Variants in NRXN1 observed in about 807,000 individuals in gnomAD.
The protein encoded by NRXN1 is neurexin 1, also known as neurexin-1.
NRXN1 carries 39 observed loss-of-function variants against 150.9 expected under a neutral mutation model. The observed-to-expected ratio is 0.26, with a 90% CI of 0.20 to 0.34. The LOEUF (loss-of-function observed/expected upper bound fraction) is 0.34. Among genes scored for constraint, NRXN1 ranks in the 10% least tolerant of loss-of-function variants. The probability of loss-of-function intolerance (pLI) is 1.00; values close to 1 mark genes in which losing one functional copy is unlikely to be tolerated. For missense variants in NRXN1, 1,815 were observed against 1,949.9 expected (o/e 0.93, Z 1.30); for synonymous variants, 924 against 757.0 (o/e 1.22, Z -3.62).
intron 17 of NRXN1, among the ~76,000 whole-genome samples, chr2:50,268,005 C>G (rs1182651358): frequency 1.3e-5 from 2 of 152,050 alleles, no homozygotes; most frequent in East Asian, 3.9e-4. Flanking sequence ...GCCTGGGTAA[C>G]ATGGCGAAAC....
In NRXN1 at chr2:50,091,668, T is replaced by C. The variant is rs543562153; in HGVS notation, c.3547-174A>G. Among the ~76,000 whole-genome samples the C allele has an allele frequency of 7.3e-4, 111 of 152,334 alleles. 2 individuals are homozygous for C. The South Asian group carries it at 0.023, about 31-fold the overall frequency. The stretch of plus-strand genomic sequence containing the variant: ...GCAAGATTCTTGACATCTGGGTAAA[T>C]TTAAGACATCTCTTTCATGGATAAT... On this transcript the variant is annotated intron_variant, in intron 18 of 22. Coordinates refer to ENST00000401669, the MANE Select transcript of NRXN1 (RefSeq NM_001330078.2).
chr2:50,180,110 C>G, intron 18 of NRXN1, among the ~76,000 whole-genome samples: 1 of 152,188 alleles, frequency 6.6e-6, no homozygotes, highest in Middle Eastern at 3.4e-3. Context: ...TAGCCTTGAA[C>G]TCCTGGGCTC....
chr2:50,198,850 G>T (rs1363827883), intron 18 of NRXN1, among the ~76,000 whole-genome samples: 1 of 152,042 alleles, frequency 6.6e-6, no homozygotes, highest in African/African-American at 2.4e-5. Flanking sequence ...AGTGACTGTT[G>T]TCAGTATTTA....
chr2:50,591,603 T>G (rs545365320), intron 8 of NRXN1, among the ~76,000 whole-genome samples: 16 of 152,334 alleles, frequency 1.1e-4, no homozygotes, highest in African/African-American at 3.8e-4. Flanking sequence ...TCTTTGAAGT[T>G]TCCTCACATC....
At chr2:50,186,411 T>G (rs971384367) in intron 18 of NRXN1, among the ~76,000 whole-genome samples, 2 of 152,226 alleles carry the variant, frequency 1.3e-5, no homozygotes, top group African/African-American at 4.8e-5. Flanking sequence ...AATGTTATGT[T>G]CAGAATCTCA....
intron 5 of NRXN1, among the ~76,000 whole-genome samples, chr2:50,677,904 C>G (rs1023784777): frequency 1.3e-5 from 2 of 151,850 alleles, no homozygotes; most frequent in African/African-American, 4.8e-5. Context: ...TACTTTTAAA[C>G]GACATCTCAG....
At chr2:50,600,605 A>G in intron 8 of NRXN1, among the ~76,000 whole-genome samples, 1 of 152,150 alleles carries the variant, frequency 6.6e-6, no homozygotes, top group South Asian at 2.1e-4. Context: ...GATTACAGGC[A>G]TAAGCCATCA....
intron 17 of NRXN1, among the ~76,000 whole-genome samples, chr2:50,376,582 A>C (rs1383184889): frequency 6.6e-6 from 1 of 152,166 alleles, no homozygotes; most frequent in Non-Finnish European, 1.5e-5. Context: ...GAAAGGTATG[A>C]GCAAATATAT....
chr2:50,678,697 C>T (rs1689903339), intron 5 of NRXN1, among the ~76,000 whole-genome samples: 1 of 152,066 alleles, frequency 6.6e-6, no homozygotes, highest in African/African-American at 2.4e-5. Context: ...CTGTTCGTTG[C>T]TAGTGCAGAT....
At chr2:50,743,299 T>C (rs1046764718) in intron 5 of NRXN1, among the ~76,000 whole-genome samples, 1 of 152,170 alleles carries the variant, frequency 6.6e-6, no homozygotes, top group Non-Finnish European at 1.5e-5. Context: ...CACTTAAAAT[T>C]CACTGAAATT....
At chr2:50,973,751 G>A (rs1260285463) in intron 2 of NRXN1, among the ~76,000 whole-genome samples, 1 of 152,074 alleles carries the variant, frequency 6.6e-6, no homozygotes, top group East Asian at 1.9e-4. Context: ...GAAAATTTGT[G>A]TTAAACCAAA....
At chr2:50,232,450 G>A (rs1006533087) in intron 18 of NRXN1, among the ~76,000 whole-genome samples, 4 of 137,000 alleles carry the variant, frequency 2.9e-5, no homozygotes, top group East Asian at 2.1e-4. Flanking sequence ...ACAGTGGCAC[G>A]ATCTCGGCTC....
intron 17 of NRXN1, among the ~76,000 whole-genome samples, chr2:50,258,744 G>A (rs1195275647): frequency 1.3e-5 from 2 of 151,952 alleles, no homozygotes; most frequent in African/African-American, 2.4e-5. Flanking sequence ...TTTATAAAAT[G>A]TATTTCTTAA....
intron 17 of NRXN1, among the ~76,000 whole-genome samples, chr2:50,271,644 A>G (rs2069664341): frequency 6.6e-6 from 1 of 152,206 alleles, no homozygotes; most frequent in Admixed American, 6.5e-5. Context: ...AACTCAAAGT[A>G]CATTTATGGG....
chr2:50,567,055 C>T (rs1400917168), intron 8 of NRXN1, among the ~76,000 whole-genome samples: 1 of 152,156 alleles, frequency 6.6e-6, no homozygotes, highest in Non-Finnish European at 1.5e-5. Context: ...CTCTTGATGT[C>T]AGGATAATTG....
At chr2:50,958,492 T>A (rs1224353734) in intron 2 of NRXN1, among the ~76,000 whole-genome samples, 2 of 152,068 alleles carry the variant, frequency 1.3e-5, no homozygotes, top group Non-Finnish European at 2.9e-5. Flanking sequence ...AGCTTGTTTT[T>A]TTTAATTCAT....
intron 17 of NRXN1, among the ~76,000 whole-genome samples, chr2:50,460,456 C>T (rs1028838801): frequency 1.3e-5 from 2 of 152,090 alleles, no homozygotes; most frequent in African/African-American, 4.8e-5. Flanking sequence ...ACTCTATTCC[C>T]TTTTTTGTTG....
At chr2:50,384,215 A>G (rs968762692) in intron 17 of NRXN1, among the ~76,000 whole-genome samples, 46 of 152,302 alleles carry the variant, frequency 3.0e-4, no homozygotes, top group African/African-American at 9.6e-4. Context: ...GCTTTAAACA[A>G]TGCATTCTCA....
At chr2:50,012,329 T>G (rs1056555339) in intron 21 of NRXN1, among the ~76,000 whole-genome samples, 1 of 152,126 alleles carries the variant, frequency 6.6e-6, no homozygotes, top group Non-Finnish European at 1.5e-5. Context: ...TCTTTTTAAA[T>G]CTGATATTTG....
Sources: gnomAD v4.1 joint callset for allele counts (sites outside exome capture counted in the v4.1 genomes callset) on GRCh38, gnomAD v4.1.1 for gene constraint, MANE v1.5 for transcripts, NCBI Gene and HGNC (gene_info 2026-07-23, HGNC 2026-07-21) for gene names.